SIL1: variants seen among roughly 807,000 people sequenced by gnomAD.
SIL1 encodes SIL1 nucleotide exchange factor, also known as nucleotide exchange factor SIL1.
A neutral mutation model predicts 49.1 loss-of-function variants in SIL1; 40 were observed. The ratio of observed to expected loss-of-function variants is 0.81; its 90% CI spans 0.63 to 1.06. The LOEUF is 1.06. Among genes scored for constraint, SIL1 ranks in the 50% least tolerant of loss-of-function variants. The pLI is 0.00. For synonymous variants in SIL1, 253 were observed against 250.8 expected (o/e 1.01, Z -0.08); for missense variants, 500 against 572.6 (o/e 0.87, Z 1.29).
intron 1 of SIL1, among the ~76,000 whole-genome samples, chr5:139,166,751 T>C (rs1221869742): frequency 6.6e-6 from 1 of 152,100 alleles, no homozygotes; most frequent in Admixed American, 6.6e-5. Context: ...CTCAGGTGAT[T>C]TTCCCACCTC....
chr5:139,182,957 T>C (rs1248063944), intron 1 of SIL1, among the ~76,000 whole-genome samples: 1 of 152,248 alleles, frequency 6.6e-6, no homozygotes, highest in African/African-American at 2.4e-5. Flanking sequence ...GAGATGCTCT[T>C]ACATGTCCAC....
At chr5:139,044,286 A>AC (rs1377688464) in intron 4 of SIL1, among the ~76,000 whole-genome samples, 4 of 152,064 alleles carry the variant, frequency 2.6e-5, no homozygotes, top group African/African-American at 9.7e-5. Context: ...CCACTGCCCC[A>AC]CCCCACATAC....
chr5:139,180,467 T>G (rs1561893033), intron 1 of SIL1, among the ~76,000 whole-genome samples: 1 of 149,824 alleles, frequency 6.7e-6, no homozygotes, highest in Non-Finnish European at 1.5e-5. Flanking sequence ...CCTTTGTGGG[T>G]CATCTATTAG....
chr5:139,079,039 AT>A (rs1168552969), intron 3 of SIL1, among the ~76,000 whole-genome samples: 1 of 152,278 alleles, frequency 6.6e-6, no homozygotes, highest in African/African-American at 2.4e-5. Context: ...AATTTTTAAA[AT>A]GTTAATTTTA....
intron 4 of SIL1, 150 bp downstream of exon 4, chr5:139,050,788 T>C: frequency 4.1e-6 from 3 of 726,180 alleles, no homozygotes; most frequent in Middle Eastern, 2.4e-4. Flanking sequence ...GAAGTAAACT[T>C]TCATAAAACC....
chr5:139,079,133 G>A (rs1015769271), intron 3 of SIL1, among the ~76,000 whole-genome samples: 1 of 152,202 alleles, frequency 6.6e-6, no homozygotes, highest in Non-Finnish European at 1.5e-5. Context: ...GTGCATCCCT[G>A]GAATATTGTG....
At chr5:139,098,182 G>A (rs914364189) in intron 3 of SIL1, among the ~76,000 whole-genome samples, 8 of 152,182 alleles carry the variant, frequency 5.3e-5, no homozygotes, top group Non-Finnish European at 1.2e-4. Context: ...CACATTACCT[G>A]ACTTCAAATT....
Position 139,188,966 on chromosome 5 carries a change from C to G in SIL1, c.-11+9303G>C, listed in dbSNP as rs894002410. Among the ~76,000 whole-genome samples the G allele has an allele frequency of 6.6e-5, 10 of 152,180 alleles. No homozygotes were observed. The East Asian group carries it at 1.9e-3, about 29-fold the overall frequency. ...CAGCAAAGTTCCTTGCTACTCACAA[C>G]TTTTAGTTATTCAGCATGAAATACC... On this transcript the variant is annotated intron_variant, in intron 1 of 9. Coordinates refer to ENST00000394817, the MANE Select transcript of SIL1 (RefSeq NM_022464.5).
chr5:139,126,665 C>T (rs1355168884), intron 2 of SIL1, among the ~76,000 whole-genome samples: 1 of 152,188 alleles, frequency 6.6e-6, no homozygotes, highest in Admixed American at 6.5e-5. Context: ...ATTAAAAACT[C>T]AAAAGGACTC....
In SIL1 at chr5:139,050,949, C is replaced by T; in HGVS notation, c.342G>A (p.Leu114=). Residue 114 remains leucine (L), a synonymous_variant, in exon 4 of 10, where the codon TTG becomes TTA. Transcript: ENST00000394817. ...LQYEDKFRNN[L]KGKRLDINTN... ...GGTTGACACTGTACCTTTTGCCTTT[C>T]AAATTATTTCGGAACTTGTCCTCAT... 1 of 1,614,092 alleles carries T rather than the reference C, an allele frequency of 6.2e-7. No individual in the cohort carries two copies.
intron 7 of SIL1, among the ~76,000 whole-genome samples, chr5:139,001,528 A>C (rs1767983130): frequency 1.3e-5 from 2 of 152,240 alleles, no homozygotes; most frequent in South Asian, 4.1e-4. Flanking sequence ...ATGTAACAAC[A>C]TAGAAAACTA....
At chr5:139,016,448 G>T (rs532369223) in intron 7 of SIL1, among the ~76,000 whole-genome samples, 1 of 152,160 alleles carries the variant, frequency 6.6e-6, no homozygotes, top group African/African-American at 2.4e-5. Context: ...GGTTGGATTC[G>T]AAACCACAGG....
At chr5:139,171,241 G>A (rs1036907143) in intron 1 of SIL1, among the ~76,000 whole-genome samples, 10 of 152,184 alleles carry the variant, frequency 6.6e-5, no homozygotes, top group Admixed American at 3.9e-4. Flanking sequence ...TGACAATGGC[G>A]GTTTTGTGGA....
intron 6 of SIL1, among the ~76,000 whole-genome samples, chr5:139,023,508 C>T (rs1027865309): frequency 2.6e-5 from 4 of 152,196 alleles, no homozygotes; most frequent in African/African-American, 4.8e-5. Flanking sequence ...ATGTACTGCC[C>T]GAGGTAGATG....
At chr5:138,951,685 T>C (rs939058102) in intron 8 of SIL1, 103 bp downstream of exon 8, 25 of 1,112,308 alleles carry the variant, frequency 2.2e-5, no homozygotes, top group Non-Finnish European at 3.1e-5. Context: ...CAGATGATGC[T>C]CAGGCCCCCA....
intron 1 of SIL1, among the ~76,000 whole-genome samples, chr5:139,160,378 G>C (rs1345491830): frequency 1.3e-5 from 2 of 152,140 alleles, no homozygotes; most frequent in Non-Finnish European, 2.9e-5. Flanking sequence ...GCACTGAAAA[G>C]GGGCAGTAAA....
intron 2 of SIL1, 117 bp from the exon 3 acceptor site, chr5:139,121,290 T>C: frequency 7.1e-7 from 1 of 1,415,144 alleles, no homozygotes; most frequent in Middle Eastern, 2.2e-4. Context: ...CACAGCCTGA[T>C]ATGTCTGGAC....
chr5:139,129,836 T>C (rs948749176), intron 1 of SIL1, among the ~76,000 whole-genome samples: 5 of 152,222 alleles, frequency 3.3e-5, no homozygotes, highest in African/African-American at 2.4e-5. Context: ...TTCTTAAATA[T>C]GACACCAAAA....
At chr5:139,117,210 G>A (rs956911699) in intron 3 of SIL1, among the ~76,000 whole-genome samples, 2 of 152,192 alleles carry the variant, frequency 1.3e-5, no homozygotes, top group African/African-American at 2.4e-5. Context: ...ATAGAGGGCA[G>A]GGGTCACGTC....
Sources: gnomAD v4.1 joint callset for allele counts (sites outside exome capture counted in the v4.1 genomes callset) on GRCh38, gnomAD v4.1.1 for gene constraint, MANE v1.5 for transcripts, NCBI Gene and HGNC (gene_info 2026-07-23, HGNC 2026-07-21) for gene names.